Variants in THSD7B observed in about 807,000 individuals in gnomAD.
The protein encoded by THSD7B is thrombospondin type 1 domain containing 7B, also known as thrombospondin type-1 domain-containing protein 7B.
Under a neutral mutation model 213.6 loss-of-function variants are expected in THSD7B, and 138 were observed. The observed-to-expected ratio is 0.65, with a 90% CI of 0.56 to 0.74. The LOEUF is 0.74. THSD7B is among the 30% of genes least tolerant of loss of function. The pLI, the probability that THSD7B is intolerant of heterozygous loss-of-function variation, is 0.00. For synonymous variants in THSD7B, 742 were observed against 687.0 expected (o/e 1.08, Z -1.25); for missense variants, 1,931 against 1,991.5 (o/e 0.97, Z 0.58).
chr2:137,656,233 G>A (rs921580063), intron 22 of THSD7B, among the ~76,000 whole-genome samples: 3 of 152,004 alleles, frequency 2.0e-5, no homozygotes, highest in African/African-American at 7.2e-5. Flanking sequence ...TTATAATACA[G>A]TATATAACAT....
At chr2:137,112,330 C>T (rs924035965) in intron 4 of THSD7B, among the ~76,000 whole-genome samples, 27 of 150,704 alleles carry the variant, frequency 1.8e-4, no homozygotes, top group Non-Finnish European at 3.0e-5. Flanking sequence ...TTTTCCTCTC[C>T]CTCTTGCTAG....
intron 7 of THSD7B, among the ~76,000 whole-genome samples, chr2:137,174,813 C>T (rs113535337): frequency 0.013 from 2,022 of 152,182 alleles, 34 homozygotes; most frequent in African/African-American, 0.046. Flanking sequence ...TAGACATTTA[C>T]GGAGCGTTGA....
At chr2:136,786,230 TTGATC>T (rs1228387290) in intron 1 of THSD7B, among the ~76,000 whole-genome samples, 2 of 152,214 alleles carry the variant, frequency 1.3e-5, no homozygotes, top group East Asian at 1.9e-4. Context: ...TATATTCACT[TTGATC>T]TGTCTGTCGG....
In THSD7B at chr2:137,611,012, A is replaced by T. The variant is rs144965330; in HGVS notation, c.3424-5163A>T. 2.5e-4 allele frequency among the ~76,000 whole-genome samples: 37 copies of T among 149,196 alleles called. No individual in the cohort carries two copies. The East Asian group carries it at 6.6e-3, about 27-fold the overall frequency. On this transcript the variant is annotated intron_variant, in intron 17 of 27. Transcript: ENST00000409968. ...GTATAATAATAATAATAATAAATAA[A>T]AAATAAAATAAAAAATAAAAAAGTT...
intron 2 of THSD7B, among the ~76,000 whole-genome samples, chr2:136,951,508 C>G (rs1280232565): frequency 6.6e-6 from 1 of 152,160 alleles, no homozygotes; most frequent in African/African-American, 2.4e-5. Flanking sequence ...TAGCAAATGT[C>G]TAGCTTATTC....
chr2:137,183,057 G>T (rs1013785444), intron 7 of THSD7B, among the ~76,000 whole-genome samples: 2 of 152,036 alleles, frequency 1.3e-5, no homozygotes, highest in Non-Finnish European at 2.9e-5. Context: ...ATGAATTGGT[G>T]GTATCAGTTA....
At chr2:136,894,349 T>C (rs758578823) in intron 2 of THSD7B, among the ~76,000 whole-genome samples, 8 of 152,182 alleles carry the variant, frequency 5.3e-5, no homozygotes, top group Admixed American at 1.3e-4. Context: ...TGACTGTACA[T>C]GATAAAGGAG....
At chr2:137,448,528 G>T (rs965966140) in intron 14 of THSD7B, among the ~76,000 whole-genome samples, 2 of 152,056 alleles carry the variant, frequency 1.3e-5, no homozygotes, top group African/African-American at 4.8e-5. Flanking sequence ...ACCCTTTCCT[G>T]GCTGGCCGCA....
At chr2:137,098,580 A>C (rs551411016) in intron 4 of THSD7B, among the ~76,000 whole-genome samples, 1 of 152,340 alleles carries the variant, frequency 6.6e-6, no homozygotes, top group East Asian at 1.9e-4. Context: ...TCATTTGAAC[A>C]AGCAGGATTT....
At chr2:137,005,981 A>C (rs186623177) in intron 2 of THSD7B, among the ~76,000 whole-genome samples, 22 of 152,266 alleles carry the variant, frequency 1.4e-4, no homozygotes, top group African/African-American at 5.3e-4. Context: ...TATCAAGAGG[A>C]ATAACCTCAA....
rs1391662976 is a variant in THSD7B at position 137,095,057 on chromosome 2, T to C, written c.1135T>C (p.Cys379Arg). Residue 379 changes from cysteine (C) to arginine (R), a missense_variant, in exon 4 of 28, where the codon TGT becomes CGT. Physicochemically the swap from Cys to Arg is radical, Grantham distance 180. Transcript: ENST00000409968. Reference sequence around the variant, plus strand: ...CATGGCTATTGGAGGTGGAAAGGAGTGTCCTGAACTTCTTGAGAAAGAGGC... The same window carrying C: ...CATGGCTATTGGAGGTGGAAAGGAGCGTCCTGAACTTCTTGAGAAAGAGGC... The part of the protein sequence containing the change: ...KHMAIGGGKE[C>R]PELLEKEACI... 1 of 1,613,596 alleles carries C rather than the reference T, an allele frequency of 6.2e-7. No individual in the cohort carries two copies. Among genetic ancestry groups the C allele is most frequent in the Non-Finnish European group, 8.5e-7 (1 of 1,179,822 alleles).
intron 15 of THSD7B, among the ~76,000 whole-genome samples, chr2:137,468,614 G>C (rs995820980): frequency 4.5e-5 from 1 of 22,082 alleles, no homozygotes; most frequent in Non-Finnish European, 9.5e-5. Flanking sequence ...AAATAGATTT[G>C]TGTGTGTGGA....
At chr2:137,583,907 G>T (rs560570017) in intron 17 of THSD7B, among the ~76,000 whole-genome samples, 1 of 152,164 alleles carries the variant, frequency 6.6e-6, no homozygotes, top group South Asian at 2.1e-4. Flanking sequence ...GGATGACATT[G>T]AATCTATAAA....
At chr2:137,417,302 A>G (rs918448806) in intron 14 of THSD7B, among the ~76,000 whole-genome samples, 4 of 152,204 alleles carry the variant, frequency 2.6e-5, no homozygotes, top group African/African-American at 7.2e-5. Context: ...TTACAACTCT[A>G]TATGAACAAG....
intron 12 of THSD7B, among the ~76,000 whole-genome samples, chr2:137,401,724 T>C (rs1350373537): frequency 1.3e-5 from 2 of 151,504 alleles, no homozygotes; most frequent in South Asian, 2.1e-4. Context: ...TTCAGGCTAA[T>C]GTGGGTGCTG....
At chr2:136,790,349 C>T (rs1434425210) in intron 1 of THSD7B, among the ~76,000 whole-genome samples, 2 of 151,796 alleles carry the variant, frequency 1.3e-5, no homozygotes, top group African/African-American at 4.8e-5. Context: ...CAAATAGTGC[C>T]CTGACACTTC....
At chr2:137,324,306 A>T (rs1441054918) in intron 12 of THSD7B, among the ~76,000 whole-genome samples, 1 of 152,150 alleles carries the variant, frequency 6.6e-6, no homozygotes, top group Non-Finnish European at 1.5e-5. Flanking sequence ...TAATTAATGG[A>T]TGAAAAAAAT....
At chr2:136,801,937 A>T (rs1306697603) in intron 1 of THSD7B, among the ~76,000 whole-genome samples, 1 of 152,136 alleles carries the variant, frequency 6.6e-6, no homozygotes, top group Non-Finnish European at 1.5e-5. Flanking sequence ...TTAAACTGTT[A>T]TTGTGGGGAA....
intron 6 of THSD7B, among the ~76,000 whole-genome samples, chr2:137,165,483 T>C (rs1468389492): frequency 1.3e-5 from 2 of 152,084 alleles, no homozygotes; most frequent in African/African-American, 4.8e-5. Context: ...GTGTATTAGG[T>C]CTGAGATCCC....
Sources: allele counts gnomAD v4.1 joint callset (sites outside exome capture counted in the v4.1 genomes callset), GRCh38; gene constraint gnomAD v4.1.1; transcripts MANE v1.5; gene names NCBI Gene and HGNC (gene_info 2026-07-23, HGNC 2026-07-21).